Variants in GPR39 observed in about 807,000 individuals in gnomAD.
GPR39 encodes the protein zinc sensing receptor.
GPR39 carries 23 observed loss-of-function variants against 18.4 expected under a neutral mutation model. The observed-to-expected ratio is 1.25, with a 90% confidence interval of 0.90 to 1.77. The LOEUF (loss-of-function observed/expected upper bound fraction) is 1.77. GPR39 is among the 40% of genes most tolerant of loss of function. The pLI is 0.00. For synonymous variants in GPR39, 280 were observed against 257.9 expected, an observed-to-expected ratio of 1.09 and a Z score of -0.82; for missense variants, 647 against 602.4, an observed-to-expected ratio of 1.07 and a Z score of -0.78.
At chr2:132,493,051 C>A (rs894232600) in intron 1 of GPR39, among the ~76,000 whole-genome samples, 19 of 121,422 alleles carry the variant, frequency 1.6e-4, no homozygotes, top group Non-Finnish European at 2.0e-4. Context: ...ACCATATATA[C>A]CATATATACA....
At chr2:132,602,627 A>C (rs532452667) in intron 1 of GPR39, among the ~76,000 whole-genome samples, 1 of 152,248 alleles carries the variant, frequency 6.6e-6, no homozygotes, top group African/African-American at 2.4e-5. Flanking sequence ...AAATATTTGC[A>C]AACTATACAT....
intron 1 of GPR39, among the ~76,000 whole-genome samples, chr2:132,570,617 T>G (rs1680425841): frequency 6.6e-6 from 1 of 152,198 alleles, no homozygotes; most frequent in Non-Finnish European, 1.5e-5. Context: ...AAGGACACCC[T>G]TTGCCACTAA....
intron 1 of GPR39, among the ~76,000 whole-genome samples, chr2:132,517,784 G>T (rs1320620928): frequency 6.6e-6 from 1 of 152,136 alleles, no homozygotes; most frequent in African/African-American, 2.4e-5. Flanking sequence ...CAGGATTCTT[G>T]GAAAGATGGA....
rs148019214 is a variant in GPR39, at chr2:132,511,954, A to C, written c.856+94056A>C. 4.6e-5 allele frequency among the ~76,000 whole-genome samples: 7 copies of C among 152,230 alleles called. No individual in the cohort carries two copies. In the East Asian group the frequency reaches 1.2e-3, roughly 25 times the overall value. On this transcript the variant is annotated intron_variant, in intron 1 of 1. Coordinates refer to ENST00000329321, the MANE Select transcript of GPR39 (RefSeq NM_001508.3). ...TGCACGAACTCATGGTTGACTTCTC[A>C]TAATACTTGGGTTTGTCATTGTTCC...
At chr2:132,434,986 C>T (rs1680286662) in intron 1 of GPR39, among the ~76,000 whole-genome samples, 1 of 152,140 alleles carries the variant, frequency 6.6e-6, no homozygotes, top group Admixed American at 6.5e-5. Flanking sequence ...ATAAAAGAAG[C>T]AGTGCCAGAA....
intron 1 of GPR39, among the ~76,000 whole-genome samples, chr2:132,565,396 C>CT (rs67095358): frequency 0.065 from 8,904 of 137,942 alleles, 729 homozygotes; most frequent in African/African-American, 0.19. Flanking sequence ...GATGAGTTTC[C>CT]TTTTTTTTTT....
chr2:132,507,383 T>A (rs1679154810), intron 1 of GPR39, among the ~76,000 whole-genome samples: 1 of 152,184 alleles, frequency 6.6e-6, no homozygotes, highest in Non-Finnish European at 1.5e-5. Context: ...TGGTGGGGCA[T>A]AGGTTTCATT....
intron 1 of GPR39, among the ~76,000 whole-genome samples, chr2:132,642,681 A>G (rs1472439613): frequency 1.3e-5 from 2 of 152,232 alleles, no homozygotes; most frequent in Admixed American, 6.5e-5. Flanking sequence ...TGTTGGCTTT[A>G]AAAGCTGTGC....
Position 132,425,195 on chromosome 2 carries a change from A to T in GPR39, c.856+7297A>T, listed in dbSNP as rs141377694. On this transcript the variant is annotated intron_variant, in intron 1 of 1. Transcript: ENST00000329321. ...TATCTCAGTGCCTCCCACTTCTTCC[A>T]TGAAGCCTTCCTGGACTACGACAGC... Among the ~76,000 whole-genome samples, 8 of 152,294 alleles carry T rather than the reference A, an allele frequency of 5.3e-5. No homozygotes were observed. In the East Asian group the frequency reaches 1.4e-3, roughly 26 times the overall value.
chr2:132,580,975 A>C (rs1680612327), intron 1 of GPR39, among the ~76,000 whole-genome samples: 1 of 145,986 alleles, frequency 6.8e-6, no homozygotes, highest in Non-Finnish European at 1.5e-5. Context: ...AAAAAAAACA[A>C]AAAAAAAAAC....
chr2:132,512,739 A>T (rs1284354430), intron 1 of GPR39, among the ~76,000 whole-genome samples: 1 of 152,242 alleles, frequency 6.6e-6, no homozygotes, highest in African/African-American at 2.4e-5. Flanking sequence ...GCGCAGTCAT[A>T]CATTTATGCA....
rs551583651 is a variant in GPR39 at position 132,486,548 on chromosome 2, A to G, written c.856+68650A>G. 9.2e-5 allele frequency among the ~76,000 whole-genome samples: 14 copies of G among 152,370 alleles called. No homozygotes were observed. The South Asian group carries it at 1.4e-3, about 16-fold the overall frequency. On this transcript the variant is annotated intron_variant, in intron 1 of 1. Coordinates refer to ENST00000329321, the MANE Select transcript of GPR39 (RefSeq NM_001508.3). ...TTCTGGATAACTTGCTGCAACTTCT[A>G]CATCAGCACTTGCTGCTTCACTTTG...
intron 1 of GPR39, among the ~76,000 whole-genome samples, chr2:132,485,364 A>C (rs1479010830): frequency 6.6e-6 from 1 of 152,230 alleles, no homozygotes; most frequent in Non-Finnish European, 1.5e-5. Flanking sequence ...CAGTTAGGGT[A>C]GTTGTGACAA....
At chr2:132,608,262 G>GCAGT (rs1431464579) in intron 1 of GPR39, among the ~76,000 whole-genome samples, 1 of 152,190 alleles carries the variant, frequency 6.6e-6, no homozygotes, top group African/African-American at 2.4e-5. Flanking sequence ...TTCTAAGAAA[G>GCAGT]CAGTATTGGG....
chr2:132,508,115 T>C (rs1324224044), intron 1 of GPR39, among the ~76,000 whole-genome samples: 1 of 152,130 alleles, frequency 6.6e-6, no homozygotes, highest in African/African-American at 2.4e-5. Context: ...ATAAACTCTC[T>C]AGGGACTTAC....
intron 1 of GPR39, among the ~76,000 whole-genome samples, chr2:132,622,422 A>G (rs562398964): frequency 6.6e-6 from 1 of 152,248 alleles, no homozygotes; most frequent in South Asian, 2.1e-4. Context: ...AAATCTACCA[A>G]AATATCTAAG....
chr2:132,589,731 A>T (rs1472539829), intron 1 of GPR39, among the ~76,000 whole-genome samples: 1 of 152,210 alleles, frequency 6.6e-6, no homozygotes, highest in Non-Finnish European at 1.5e-5. Flanking sequence ...TATTTCCCAA[A>T]CAAAAGGTGT....
At chr2:132,546,967 G>C (rs188732633) in intron 1 of GPR39, among the ~76,000 whole-genome samples, 28 of 151,878 alleles carry the variant, frequency 1.8e-4, no homozygotes, top group African/African-American at 6.3e-4. Flanking sequence ...GAAACCACTC[G>C]TGCCTGAATT....
In GPR39 at chr2:132,533,034, T is replaced by A. The variant is rs577287236; in HGVS notation, c.857-112067T>A. On this transcript the variant is annotated intron_variant, in intron 1 of 1. Coordinates refer to ENST00000329321, the MANE Select transcript of GPR39 (RefSeq NM_001508.3). ...GAGAAGGAAATAAAGGGCATTCAAT[T>A]AGGAAAAGAGGAAGTCAAATTGTCC... is the stretch of plus-strand genomic sequence containing the variant. Among the ~76,000 whole-genome samples, 52 of 152,134 alleles carry A rather than the reference T, an allele frequency of 3.4e-4. No individual in the cohort carries two copies. In the South Asian group the frequency reaches 6.0e-3, roughly 18 times the overall value.
Sources: allele counts gnomAD v4.1 joint callset (sites outside exome capture counted in the v4.1 genomes callset), GRCh38; gene constraint gnomAD v4.1.1; transcripts MANE v1.5; gene names NCBI Gene and HGNC (gene_info 2026-07-23, HGNC 2026-07-21).